POGK: variants seen among roughly 807,000 people sequenced by gnomAD.
POGK encodes the protein pogo transposable element derived with KRAB domain.
POGK carries 16 observed loss-of-function variants against 54.4 expected under a neutral mutation model. The observed-to-expected ratio is 0.29, with a 90% CI of 0.20 to 0.45. The LOEUF (loss-of-function observed/expected upper bound fraction) is 0.45, where lower values mean the gene tolerates loss of function less well. POGK is among the 20% of genes least tolerant of loss of function. The pLI is 1.00. For missense variants in POGK, 515 were observed against 795.6 expected (o/e 0.65, Z 4.24); for synonymous variants, 271 against 302.2 (o/e 0.90, Z 1.07).
At chr1:166,846,328 C>T (rs918765827) in intron 2 of POGK, among the ~76,000 whole-genome samples, 5 of 152,134 alleles carry the variant, frequency 3.3e-5, no homozygotes, top group African/African-American at 9.7e-5. Flanking sequence ...GTCCTCCAAC[C>T]GGTGATCATG....
rs1256821484 is a variant in POGK at position 166,850,032 on chromosome 1, A to G, written c.1453A>G (p.Met485Val). Residue 485 changes from methionine (M) to valine (V), a missense_variant, in exon 5 of 6, where the codon ATG becomes GTG. Physicochemically the swap from Met to Val is conservative, Grantham distance 21 (BLOSUM62 1). Transcript: ENST00000367876. ...GHATDSVKNS[M>V]ESMNTDMVII... ...TGCCACAGATTCCGTGAAGAACTCC[A>G]TGGAAAGCATGAACACTGACATGGT... 4 of 1,614,200 alleles carry G rather than the reference A, an allele frequency of 2.5e-6. No homozygotes were observed. Among genetic ancestry groups the G allele is most frequent in the Middle Eastern group, 1.6e-4 (1 of 6,062 alleles).
intron 1 of POGK, chr1:166,840,302 A>G (rs971620808): frequency 1.3e-5 from 2 of 152,328 alleles, no homozygotes; most frequent in African/African-American, 4.8e-5. Context: ...GGTGGGCCCC[A>G]GCCGATTTCT....
chr1:166,848,836 A>C (rs1222380105), intron 4 of POGK, 102 bp from the exon 5 acceptor site: 2 of 1,427,876 alleles, frequency 1.4e-6, no homozygotes, highest in Non-Finnish European at 1.9e-6. Context: ...CTTTTGGTGA[A>C]CTTCAGATTA....
intron 1 of POGK, chr1:166,839,840 G>C (rs1452111685): frequency 6.6e-6 from 1 of 151,112 alleles, no homozygotes; most frequent in African/African-American, 2.4e-5. Flanking sequence ...AGCGCTCCCG[G>C]CGCGGTTCCG....
chr1:166,849,927 T>A lies in POGK; in HGVS notation c.1348T>A (p.Leu450Met). 1 of 1,614,102 alleles carries A rather than the reference T, an allele frequency of 6.2e-7. No homozygotes were observed. Among genetic ancestry groups the A allele is most frequent in the Non-Finnish European group, 8.5e-7 (1 of 1,180,014 alleles). Residue 450 changes from leucine to methionine, a missense_variant, in exon 5 of 6, where the codon TTG becomes ATG. This residue lies in a region of POGK where 461 missense variants were observed against 743.5 expected (regional missense o/e 0.62). Coordinates refer to ENST00000367876, the MANE Select transcript of POGK (RefSeq NM_017542.5). ...WMTEDLMQDWLEVVWRRRTGA... is the reference protein window; with the variant it reads ...WMTEDLMQDWMEVVWRRRTGA... ...GACTGAAGACTTGATGCAGGACTGGTTGGAAGTGGTGTGGAGACGGAGGAC... is the reference window on the plus strand; with the variant it reads ...GACTGAAGACTTGATGCAGGACTGGATGGAAGTGGTGTGGAGACGGAGGAC...
intron 1 of POGK, 66 bp downstream of exon 1, chr1:166,839,670 G>A (rs1417499317): frequency 7.0e-6 from 1 of 141,966 alleles, no homozygotes; most frequent in East Asian, 2.1e-4. Context: ...CGGCTGGGCC[G>A]CGGCAGAGGC....
At position 166,853,220 on chromosome 1, in the gene POGK, G is replaced by A. The variant is rs945662128; in HGVS notation, c.*650G>A. 1.0e-4 allele frequency: 16 copies of A among 152,796 alleles called. No homozygotes were observed. Among genetic ancestry groups the A allele is most frequent in the African/African-American group, 3.6e-4 (15 of 41,582 alleles). 9.5% of individuals were successfully genotyped at this position (152,796 alleles called of 1,614,324 possible). A position where few individuals can be genotyped will look rare whatever the true frequency, so the allele number is the denominator to read the frequency against. ...GCTTTTCTATAGACAAACTAGGTTAGTGTGGAAGATATAGGTTAAAATAAA... is the reference window on the plus strand; with the variant it reads ...GCTTTTCTATAGACAAACTAGGTTAATGTGGAAGATATAGGTTAAAATAAA... On this transcript the variant is annotated 3_prime_UTR_variant, in exon 6 of 6. Transcript: ENST00000367876.
Position 166,849,058 on chromosome 1 carries a change from A to G in POGK, c.479A>G (p.Glu160Gly). ...FGLRLPRDIT[E>G]LPEWSEGYPF... Reference sequence around the variant, plus strand: ...CTCCGTCTGCCTCGGGATATCACAGAGCTGCCCGAGTGGAGTGAGGGGTAC... The same window carrying G: ...CTCCGTCTGCCTCGGGATATCACAGGGCTGCCCGAGTGGAGTGAGGGGTAC... Residue 160 changes from glutamate to glycine, a missense_variant, in exon 5 of 6, where the codon GAG becomes GGG. By Grantham distance (98) the Glu-to-Gly change is moderately conservative (BLOSUM62 -2). This residue lies in a region of POGK where 461 missense variants were observed against 743.5 expected (regional missense o/e 0.62). Coordinates refer to ENST00000367876, the MANE Select transcript of POGK (RefSeq NM_017542.5). 1 of 1,614,144 alleles carries G rather than the reference A, an allele frequency of 6.2e-7. No homozygotes were observed. The highest frequency in any genetic ancestry group is 8.5e-7 in the Non-Finnish European group (1 of 1,180,032).
rs557817880 is a variant in POGK, at chr1:166,854,120, T to C, written c.*1550T>C. ...GCTTAAAAGATTTTACAAGACCTAA[T>C]TTTGGGTTCCTTCCTTGGAGCCATA... On this transcript the variant is annotated 3_prime_UTR_variant, in exon 6 of 6. Coordinates refer to ENST00000367876, the MANE Select transcript of POGK (RefSeq NM_017542.5). 1.5e-3 allele frequency: 222 copies of C among 152,718 alleles called. 1 individual carries two copies. The highest frequency in any genetic ancestry group is 1.9e-3 in the Non-Finnish European group (131 of 68,032). The allele number at this position is 152,718 out of a possible 1,614,324, so 9.5% of individuals were successfully genotyped here. A position where few individuals can be genotyped will look rare whatever the true frequency, so the allele number is the denominator to read the frequency against.
rs1294140561 is a variant in POGK at position 166,847,517 on chromosome 1, A to C, written c.283A>C (p.Met95Leu). The C allele has an allele frequency of 6.2e-7, 1 of 1,613,994 alleles. No homozygotes were observed. Among genetic ancestry groups the C allele is most frequent in the Non-Finnish European group, 8.5e-7 (1 of 1,179,888 alleles). The change falls in exon 4 of 6, where the codon ATG becomes CTG. Residue 95 changes from methionine to leucine, a missense_variant. By Grantham distance (15) the Met-to-Leu change is conservative. Around this residue, in one of 2 missense-constraint regions of POGK, gnomAD observed 461 missense variants for 743.5 expected, o/e 0.62. Transcript: ENST00000367876. ...SLEFPFPKPD[M>L]ITRLEGEEES... ...AGAATTCCCATTCCCTAAGCCAGAC[A>C]TGATCACCCGTTTGGAAGGGGAGGA...
chr1:166,848,810 G>A (rs927738780), intron 4 of POGK, 128 bp from the exon 5 acceptor site: 2 of 1,269,174 alleles, frequency 1.6e-6, no homozygotes, highest in Non-Finnish European at 2.2e-6. Context: ...AATGTTACCT[G>A]TTATTAAAGT....
At position 166,847,522 on chromosome 1, in the gene POGK, C is replaced by T; in HGVS notation, c.288C>T (p.Ile96=). 1.2e-6 allele frequency: 2 copies of T among 1,613,988 alleles called. No individual in the cohort carries two copies. The highest frequency in any genetic ancestry group is 1.7e-6 in the Non-Finnish European group (2 of 1,179,906). ...LEFPFPKPDM[I]TRLEGEEESQ... is the part of the protein sequence containing the mutation. ...TCCCATTCCCTAAGCCAGACATGAT[C>T]ACCCGTTTGGAAGGGGAGGAGGAGT... The change falls in exon 4 of 6, where the codon ATC becomes ATT. Residue 96 remains isoleucine (I), a synonymous_variant. Coordinates refer to ENST00000367876, the MANE Select transcript of POGK (RefSeq NM_017542.5).
At chr1:166,840,427 T>G (rs1172720270) in intron 1 of POGK, 1 of 152,728 alleles carries the variant, frequency 6.5e-6, no homozygotes, top group African/African-American at 2.4e-5. Context: ...GGACAGAACC[T>G]TTGAATTTGG....
intron 2 of POGK, among the ~76,000 whole-genome samples, chr1:166,842,018 C>A (rs201077377): frequency 1.3e-5 from 2 of 150,976 alleles, no homozygotes; most frequent in African/African-American, 4.9e-5. Context: ...AAAAAAAAAA[C>A]AGTGCAACCA....
chr1:166,844,104 G>C (rs1173412712), intron 2 of POGK, among the ~76,000 whole-genome samples: 1 of 152,210 alleles, frequency 6.6e-6, no homozygotes, highest in African/African-American at 2.4e-5. Flanking sequence ...TGTGCCTCTG[G>C]AGCATAATGT....
At chr1:166,845,005 G>A (rs916970096) in intron 2 of POGK, among the ~76,000 whole-genome samples, 7 of 152,182 alleles carry the variant, frequency 4.6e-5, no homozygotes, top group Non-Finnish European at 1.0e-4. Context: ...GGGAATGGTT[G>A]TTCAGGGAAC....
intron 2 of POGK, among the ~76,000 whole-genome samples, chr1:166,841,703 A>G (rs1017443913): frequency 6.6e-6 from 1 of 152,246 alleles, no homozygotes; most frequent in African/African-American, 2.4e-5. Flanking sequence ...GTAATTAGGC[A>G]TGAATAGTAA....
At chr1:166,841,173 C>G in intron 2 of POGK, 85 bp downstream of exon 2, 1 of 1,536,860 alleles carries the variant, frequency 6.5e-7, no homozygotes, top group Non-Finnish European at 8.8e-7. Context: ...CTCAGACAGA[C>G]GTGGGAAGTA....
At position 166,855,243 on chromosome 1, in the gene POGK, GCA is replaced by G. The variant is rs1013081043; in HGVS notation, c.*2676_*2677del. On this transcript the variant is annotated 3_prime_UTR_variant, in exon 6 of 6. Transcript: ENST00000367876. Reference sequence around the variant, plus strand: ...AGCCAGCTTTATCACACCTGGTTTTGCACAGTGATAAATTCCTGCAGGAAAAA... The same window carrying G: ...AGCCAGCTTTATCACACCTGGTTTTGCAGTGATAAATTCCTGCAGGAAAAA... 9 of 152,072 alleles carry G rather than the reference GCA, an allele frequency of 5.9e-5. No individual in the cohort carries two copies. Among genetic ancestry groups the G allele is most frequent in the Non-Finnish European group, 7.4e-5 (5 of 68,002 alleles). The allele number at this position is 152,072 out of a possible 1,614,324, so 9.4% of individuals were successfully genotyped here.
Sources: allele counts gnomAD v4.1 joint callset (sites outside exome capture counted in the v4.1 genomes callset), GRCh38; gene constraint gnomAD v4.1.1; regional missense constraint gnomAD v4.1.1; transcripts MANE v1.5; gene names NCBI Gene and HGNC (gene_info 2026-07-23, HGNC 2026-07-21).